The following TDRD5 variants were observed in gnomAD, a reference collection of about 807,000 sequenced individuals.
TDRD5 encodes the protein tudor domain containing 5, also known as tudor domain-containing protein 5.
Under a neutral mutation model 120.6 loss-of-function variants are expected in TDRD5, and 41 were observed. The observed-to-expected ratio is 0.34, with a 90% CI of 0.26 to 0.44. The LOEUF is 0.44. Ranked by LOEUF, TDRD5 falls within the 20% of genes least tolerant of loss-of-function variation. The pLI is 1.00. For missense variants in TDRD5, 1,006 were observed against 1,221.2 expected, an observed-to-expected ratio of 0.82 and a Z score of 2.63; for synonymous variants, 430 against 433.7, an observed-to-expected ratio of 0.99 and a Z score of 0.11.
chr1:179,617,298 G>A (rs1275724272), intron 4 of TDRD5, among the ~76,000 whole-genome samples: 1 of 152,142 alleles, frequency 6.6e-6, no homozygotes, highest in Non-Finnish European at 1.5e-5. Flanking sequence ...AGTTCCAGAG[G>A]GAGAATCCTG....
chr1:179,691,069 A>C lies in TDRD5; in HGVS notation c.*126A>C. 1 of 1,289,512 alleles carries C rather than the reference A, an allele frequency of 7.8e-7. No individual in the cohort carries two copies. Among genetic ancestry groups the C allele is most frequent in the South Asian group, 1.6e-5 (1 of 63,898 alleles). The allele number at this position is 1,289,512 out of a possible 1,614,324, so 79.9% of individuals were successfully genotyped here. On this transcript the variant is annotated 3_prime_UTR_variant, in exon 18 of 18. Transcript: ENST00000444136. Reference sequence around the variant, plus strand: ...TCATTGATACTTTTGTCTTTCTGTGACTATATGTTAGCTTTATTATGCTAA... The same window carrying C: ...TCATTGATACTTTTGTCTTTCTGTGCCTATATGTTAGCTTTATTATGCTAA...
intron 11 of TDRD5, among the ~76,000 whole-genome samples, chr1:179,642,422 A>G (rs745765201): frequency 6.6e-6 from 1 of 151,884 alleles, no homozygotes; most frequent in African/African-American, 2.4e-5. Flanking sequence ...TTTCTAAACT[A>G]CTTCTGGCCT....
At chr1:179,689,333 G>T (rs1298172644) in intron 17 of TDRD5, among the ~76,000 whole-genome samples, 2 of 152,216 alleles carry the variant, frequency 1.3e-5, no homozygotes, top group African/African-American at 4.8e-5. Context: ...CACCCTGTTT[G>T]CCTGGGTATC....
intron 17 of TDRD5, among the ~76,000 whole-genome samples, chr1:179,677,809 A>G (rs1161118051): frequency 1.3e-5 from 2 of 152,094 alleles, no homozygotes; most frequent in South Asian, 4.1e-4. Context: ...TTTGTTTAGT[A>G]CACTGGCTTT....
intron 6 of TDRD5, among the ~76,000 whole-genome samples, chr1:179,626,036 G>A (rs1677107677): frequency 5.3e-5 from 8 of 151,982 alleles, no homozygotes; most frequent in Admixed American, 5.2e-4. Context: ...GACACAGGAA[G>A]GGGAACATCA....
rs577822597 is a variant in TDRD5, at chr1:179,634,313, C to G, written c.1127-144C>G. ...AAGGTCTGCAAGGACAGGTTTGTAT[C>G]TCTCATTTATCATTGTCTTTCTAGC... is the stretch of plus-strand genomic sequence containing the variant. On this transcript the variant is annotated intron_variant, in intron 7 of 17. Transcript: ENST00000444136. 4 of 777,534 alleles carry G rather than the reference C, an allele frequency of 5.1e-6. No homozygotes were observed. In the East Asian group the frequency reaches 1.1e-4, roughly 21 times the overall value. The allele number at this position is 777,534 out of a possible 1,614,324, so 48.2% of individuals were successfully genotyped here.
At chr1:179,686,129 A>G (rs910878741) in intron 17 of TDRD5, among the ~76,000 whole-genome samples, 8 of 152,180 alleles carry the variant, frequency 5.3e-5, no homozygotes, top group Non-Finnish European at 8.8e-5. Flanking sequence ...GCAGTTTTCA[A>G]AGGGAATGCT....
At chr1:179,679,528 A>G (rs1680315773) in intron 17 of TDRD5, among the ~76,000 whole-genome samples, 1 of 152,114 alleles carries the variant, frequency 6.6e-6, no homozygotes, top group African/African-American at 2.4e-5. Flanking sequence ...AAGGTATTTT[A>G]AGCTAATGTC....
chr1:179,600,430 A>G (rs907056920), intron 4 of TDRD5, among the ~76,000 whole-genome samples: 2 of 152,188 alleles, frequency 1.3e-5, no homozygotes, highest in Non-Finnish European at 2.9e-5. Flanking sequence ...TAGGAGCAAT[A>G]AGCTGTACCA....
intron 9 of TDRD5, among the ~76,000 whole-genome samples, chr1:179,639,526 T>TC (rs1412963830): frequency 6.6e-6 from 1 of 152,154 alleles, no homozygotes; most frequent in Non-Finnish European, 1.5e-5. Context: ...TTGGGAGCTA[T>TC]CAGGTCACTG....
intron 17 of TDRD5, among the ~76,000 whole-genome samples, chr1:179,673,228 G>A (rs942808809): frequency 2.0e-5 from 3 of 152,184 alleles, no homozygotes; most frequent in African/African-American, 7.2e-5. Context: ...CCATCCACGA[G>A]CATGAGATGT....
chr1:179,689,954 C>T (rs1279932958), intron 17 of TDRD5, among the ~76,000 whole-genome samples: 2 of 152,162 alleles, frequency 1.3e-5, no homozygotes, highest in South Asian at 2.1e-4. Flanking sequence ...CCATCTGTCA[C>T]GGCTTCCCTT....
intron 4 of TDRD5, among the ~76,000 whole-genome samples, chr1:179,597,878 T>C (rs917621021): frequency 1.3e-5 from 2 of 152,198 alleles, no homozygotes; most frequent in South Asian, 4.1e-4. Flanking sequence ...TCTGTTCAGG[T>C]CCATTTATCT....
chr1:179,601,066 A>G (rs1478809760), intron 4 of TDRD5, among the ~76,000 whole-genome samples: 2 of 152,184 alleles, frequency 1.3e-5, no homozygotes, highest in Admixed American at 1.3e-4. Context: ...TCAAAAGAAT[A>G]TGTATTTTGC....
intron 5 of TDRD5, 97 bp downstream of exon 5, chr1:179,618,779 A>C (rs2101966731): frequency 1.2e-6 from 1 of 825,910 alleles, no homozygotes; most frequent in Admixed American, 3.6e-5. Context: ...ATTTACATCT[A>C]ATCTTTAATA....
At chr1:179,612,023 T>A (rs1455118049) in intron 4 of TDRD5, among the ~76,000 whole-genome samples, 1 of 152,226 alleles carries the variant, frequency 6.6e-6, no homozygotes, top group Non-Finnish European at 1.5e-5. Context: ...TCTTCAAAAC[T>A]GTAGATCTAT....
Position 179,669,382 on chromosome 1 carries a change from C to A in TDRD5, c.2838C>A (p.Ser946=). 6.2e-7 allele frequency: 1 copy of A among 1,614,096 alleles called. No homozygotes were observed. The highest frequency in any genetic ancestry group is 2.2e-5 in the East Asian group (1 of 44,866). ...APCSTTAVDD[S]AEKPSGSVES... is the part of the protein sequence containing the mutation. ...GTTCAACAACTGCAGTGGATGATTC[C>A]GCAGAAAAGCCCTCTGGTTCTGGTA... The change falls in exon 17 of 18, where the codon TCC becomes TCA. Residue 946 remains serine, a synonymous_variant. Transcript: ENST00000444136.
intron 17 of TDRD5, among the ~76,000 whole-genome samples, chr1:179,675,161 A>T (rs1038796319): frequency 6.6e-6 from 1 of 150,526 alleles, no homozygotes; most frequent in African/African-American, 2.5e-5. Context: ...AGACTTTTTG[A>T]TATAGGCATT....
chr1:179,640,482 T>G (rs1398994360), intron 11 of TDRD5, 37 bp downstream of exon 11: 1 of 1,589,760 alleles, frequency 6.3e-7, no homozygotes, highest in Non-Finnish European at 8.6e-7. Context: ...CAGCAAACAC[T>G]TGAGTGCCTA....
Sources: allele counts gnomAD v4.1 joint callset (sites outside exome capture counted in the v4.1 genomes callset), GRCh38; gene constraint gnomAD v4.1.1; transcripts MANE v1.5; gene names NCBI Gene and HGNC (gene_info 2026-07-23, HGNC 2026-07-21).